ABRAXAS2: variants seen among roughly 807,000 people sequenced by gnomAD.
The protein encoded by ABRAXAS2 is abraxas 2, BRISC complex subunit.
ABRAXAS2 carries 23 observed loss-of-function variants against 49.0 expected under a neutral mutation model. The ratio of observed to expected loss-of-function variants is 0.47; its 90% CI spans 0.34 to 0.66. The LOEUF (loss-of-function observed/expected upper bound fraction) is 0.66. Among genes scored for constraint, ABRAXAS2 ranks in the 30% least tolerant of loss-of-function variants. The probability of loss-of-function intolerance (pLI) is 0.01; values close to 1 mark genes in which losing one functional copy is unlikely to be tolerated. For missense variants in ABRAXAS2, 443 were observed against 511.9 expected, an observed-to-expected ratio of 0.87 and a Z score of 1.30; for synonymous variants, 168 against 180.2, an observed-to-expected ratio of 0.93 and a Z score of 0.54.
intron 1 of ABRAXAS2, among the ~76,000 whole-genome samples, chr10:124,803,900 AATAAC>A (rs1483705353): frequency 6.6e-6 from 1 of 152,100 alleles, no homozygotes; most frequent in Admixed American, 6.6e-5. Flanking sequence ...ATAATAATAA[AATAAC>A]ATAGAAACCA....
intron 8 of ABRAXAS2, among the ~76,000 whole-genome samples, chr10:124,832,087 G>A (rs753008588): frequency 5.8e-4 from 88 of 151,586 alleles, no homozygotes; most frequent in Admixed American, 2.2e-3. Flanking sequence ...GGCTGGTCTC[G>A]GCCTCAGGTG....
At chr10:124,802,779 A>G (rs1950714862) in intron 1 of ABRAXAS2, among the ~76,000 whole-genome samples, 1 of 152,214 alleles carries the variant, frequency 6.6e-6, no homozygotes, top group Non-Finnish European at 1.5e-5. Context: ...CATTAAACCT[A>G]TGTGTGGGGT....
rs765173289 is a variant in ABRAXAS2, at chr10:124,834,879, C to G, written c.1156C>G (p.Pro386Ala). Residue 386 changes from proline to alanine, a missense_variant, in exon 9 of 9, where the codon CCT becomes GCT. Pro to Ala is a conservative substitution (Grantham distance 27). Coordinates refer to ENST00000298492, the MANE Select transcript of ABRAXAS2 (RefSeq NM_032182.4). ...TGAAAATTTGATTGACCCTACAGAG[C>G]CTTCTAATAGTGAATACTCACATTC... ...DYENLIDPTE[P>A]SNSEYSHSKD... The G allele has an allele frequency of 3.1e-6, 5 of 1,614,134 alleles. No homozygotes were observed. Among genetic ancestry groups the G allele is most frequent in the Admixed American group, 3.3e-5 (2 of 60,014 alleles).
intron 1 of ABRAXAS2, among the ~76,000 whole-genome samples, chr10:124,803,885 AAATAAT>A (rs1191952067): frequency 6.6e-6 from 1 of 152,176 alleles, no homozygotes; most frequent in East Asian, 1.9e-4. Flanking sequence ...TGGGCTACAA[AAATAAT>A]AATAATAAAA....
At chr10:124,804,860 C>T (rs1005123894) in intron 1 of ABRAXAS2, among the ~76,000 whole-genome samples, 4 of 151,362 alleles carry the variant, frequency 2.6e-5, no homozygotes, top group Non-Finnish European at 5.9e-5. Context: ...ATTACAGGTG[C>T]GCACCACCAC....
At chr10:124,803,389 G>A (rs1366946259) in intron 1 of ABRAXAS2, among the ~76,000 whole-genome samples, 1 of 152,074 alleles carries the variant, frequency 6.6e-6, no homozygotes, top group African/African-American at 2.4e-5. Flanking sequence ...TCAATTTTAA[G>A]GTTGAAGAAC....
Position 124,826,986 on chromosome 10 carries a change from C to T in ABRAXAS2, c.458+201C>T, listed in dbSNP as rs185992996. Among the ~76,000 whole-genome samples, 9 of 150,494 alleles carry T rather than the reference C, an allele frequency of 6.0e-5. No homozygotes were observed. The East Asian group carries it at 1.4e-3, about 23-fold the overall frequency. On this transcript the variant is annotated intron_variant, in intron 5 of 8. Coordinates refer to ENST00000298492, the MANE Select transcript of ABRAXAS2 (RefSeq NM_032182.4). Reference sequence around the variant, plus strand: ...GCACGTGGCTGTATTCCCAGCTACTCGGGAGGCTGAGGCAGAAGAATCGCT... The same window carrying T: ...GCACGTGGCTGTATTCCCAGCTACTTGGGAGGCTGAGGCAGAAGAATCGCT...
chr10:124,819,590 G>C, intron 4 of ABRAXAS2, 140 bp downstream of exon 4: 1 of 744,470 alleles, frequency 1.3e-6, no homozygotes, highest in South Asian at 1.9e-5. Flanking sequence ...TAGATTTTTT[G>C]ATGTATTAAT....
At chr10:124,809,685 T>A (rs553456276) in intron 2 of ABRAXAS2, among the ~76,000 whole-genome samples, 1 of 152,066 alleles carries the variant, frequency 6.6e-6, no homozygotes, top group Admixed American at 6.6e-5. Context: ...GTAGGGTGCA[T>A]GCAGCCCATG....
chr10:124,819,403 A>G lies in ABRAXAS2; in HGVS notation c.220A>G (p.Lys74Glu). The G allele has an allele frequency of 6.2e-7, 1 of 1,614,120 alleles. No homozygotes were observed. Among genetic ancestry groups the G allele is most frequent in the East Asian group, 2.2e-5 (1 of 44,858 alleles). Reference sequence around the variant, plus strand: ...AAACAGTTTTTATGACTACGCAAGCAAAGTGAATGAGGAGAGTTTGGACAG... The same window carrying G: ...AAACAGTTTTTATGACTACGCAAGCGAAGTGAATGAGGAGAGTTTGGACAG... ...KLFSFYDYAS[K>E]VNEESLDRIL... The change falls in exon 4 of 9, where the codon AAA becomes GAA. Residue 74 changes from lysine to glutamate, a missense_variant. This residue lies in a region of ABRAXAS2 where 166 missense variants were observed against 247.3 expected (regional missense o/e 0.67). Transcript: ENST00000298492.
At chr10:124,806,660 A>G (rs1399596113) in intron 1 of ABRAXAS2, among the ~76,000 whole-genome samples, 171 bp from the exon 2 acceptor site, 2 of 151,496 alleles carry the variant, frequency 1.3e-5, no homozygotes, top group African/African-American at 4.9e-5. Context: ...ATTAATAGAT[A>G]TACCTCAGAT....
chr10:124,824,614 ACTATTAGTCAT>A (rs1195929053), intron 4 of ABRAXAS2, among the ~76,000 whole-genome samples: 1 of 152,100 alleles, frequency 6.6e-6, no homozygotes, highest in Non-Finnish European at 1.5e-5. Context: ...ACTGAAAAGC[ACTATTAGTCAT>A]CCAATAGCCA....
Position 124,834,765 on chromosome 10 carries a change from G to T in ABRAXAS2, c.1042G>T (p.Gly348Ter). Residue 348 changes from glycine (G) to a stop codon, truncating the protein, a stop_gained, in exon 9 of 9, where the codon GGA (glycine) becomes TGA (stop). Coordinates refer to ENST00000298492, the MANE Select transcript of ABRAXAS2 (RefSeq NM_032182.4). LOFTEE classifies it high-confidence loss of function. ...GSSNYASTSA[G>*]LKYPGSGADL... The stretch of plus-strand genomic sequence containing the variant: ...TTCCAATTATGCTTCCACCAGTGCC[G>T]GACTGAAGTATCCTGGAAGTGGGGC... 3 of 1,614,076 alleles carry T rather than the reference G, an allele frequency of 1.9e-6. No individual in the cohort carries two copies. The highest frequency in any genetic ancestry group is 1.1e-5 in the South Asian group (1 of 91,076).
chr10:124,814,213 C>T (rs967931752), intron 2 of ABRAXAS2, among the ~76,000 whole-genome samples: 2 of 152,166 alleles, frequency 1.3e-5, no homozygotes, highest in Non-Finnish European at 2.9e-5. Context: ...TGGTCTCAAA[C>T]TCCTGACCTC....
chr10:124,832,810 C>T (rs1432491394), intron 8 of ABRAXAS2, among the ~76,000 whole-genome samples: 1 of 151,366 alleles, frequency 6.6e-6, no homozygotes, highest in Non-Finnish European at 1.5e-5. Flanking sequence ...TACCACTGCA[C>T]TCCAGCCTGA....
intron 1 of ABRAXAS2, 143 bp downstream of exon 1, chr10:124,802,044 C>T: frequency 2.6e-6 from 2 of 755,556 alleles, no homozygotes; most frequent in Non-Finnish European, 4.2e-6. Flanking sequence ...CGGGCGGCTC[C>T]CGCCCCCGGT....
Position 124,829,443 on chromosome 10 carries a change from A to T in ABRAXAS2, c.629A>T (p.Tyr210Phe). 1 of 1,611,006 alleles carries T rather than the reference A, an allele frequency of 6.2e-7. No homozygotes were observed. The highest frequency in any genetic ancestry group is 2.2e-5 in the East Asian group (1 of 44,826). The stretch of plus-strand genomic sequence containing the variant: ...GTGATGAAAGACATCAGGGCGATTT[A>T]TCAGGTTTATAATGCACTTCAGGAG... ...DGVMKDIRAIYQVYNALQEKV... is the reference protein window; with the variant it reads ...DGVMKDIRAIFQVYNALQEKV... The change falls in exon 7 of 9, where the codon TAT (tyrosine) becomes TTT (phenylalanine). Residue 210 changes from tyrosine to phenylalanine, a missense_variant. By Grantham distance (22) the Tyr-to-Phe change is conservative. Transcript: ENST00000298492.
intron 4 of ABRAXAS2, among the ~76,000 whole-genome samples, chr10:124,822,757 G>T (rs894870294): frequency 6.8e-6 from 1 of 146,618 alleles, no homozygotes; most frequent in South Asian, 2.2e-4. Context: ...GCATCATTGC[G>T]CTCCAGCCTG....
intron 7 of ABRAXAS2, 44 bp downstream of exon 7, chr10:124,829,521 A>G (rs1950917437): frequency 1.5e-6 from 2 of 1,310,098 alleles, no homozygotes; most frequent in East Asian, 2.3e-5. Context: ...TGTCTTGCCC[A>G]AAAGCTTTTA....
Sources: allele counts gnomAD v4.1 joint callset (sites outside exome capture counted in the v4.1 genomes callset), GRCh38; gene constraint gnomAD v4.1.1; regional missense constraint gnomAD v4.1.1; transcripts MANE v1.5; gene names NCBI Gene and HGNC (gene_info 2026-07-23, HGNC 2026-07-21).